The following OSBP variants were observed in gnomAD, a reference collection of about 807,000 sequenced individuals.
The protein encoded by OSBP is oxysterol binding protein, also known as oxysterol-binding protein 1.
OSBP carries 32 observed loss-of-function variants against 96.6 expected under a neutral mutation model. The ratio of observed to expected loss-of-function variants is 0.33; its 90% CI spans 0.25 to 0.45. OSBP has a LOEUF of 0.45. Ranked by LOEUF, OSBP falls within the 20% of genes least tolerant of loss-of-function variation. OSBP has a pLI of 1.00. For missense variants in OSBP, 653 were observed against 1,029.7 expected (o/e 0.63, Z 5.01); for synonymous variants, 369 against 389.6 (o/e 0.95, Z 0.62).
At chr11:59,608,999 G>C (rs747736406) in intron 2 of OSBP, among the ~76,000 whole-genome samples, 1 of 152,192 alleles carries the variant, frequency 6.6e-6, no homozygotes, top group Non-Finnish European at 1.5e-5. Flanking sequence ...CAAAGCCCAG[G>C]AATCTGCCTT....
At chr11:59,599,261 A>T (rs1004554129) in intron 7 of OSBP, among the ~76,000 whole-genome samples, 1 of 152,220 alleles carries the variant, frequency 6.6e-6, no homozygotes, top group Non-Finnish European at 1.5e-5. Flanking sequence ...TAAATGAAAG[A>T]GTATCATTGT....
At chr11:59,582,835 G>C (rs901011258) in intron 9 of OSBP, among the ~76,000 whole-genome samples, 1 of 152,020 alleles carries the variant, frequency 6.6e-6, no homozygotes, top group Non-Finnish European at 1.5e-5. Context: ...TATAAACTTG[G>C]GATAACACGT....
rs200837578 is a variant in OSBP, at chr11:59,615,424, C to A, written c.241G>T (p.Gly81Cys). The A allele has an allele frequency of 6.6e-7, 1 of 1,508,374 alleles. No homozygotes were observed. Among genetic ancestry groups the A allele is most frequent in the Non-Finnish European group, 8.9e-7 (1 of 1,123,150 alleles). The allele number at this position is 1,508,374 out of a possible 1,614,324, so 93.4% of individuals were successfully genotyped here. A position where few individuals can be genotyped will look rare whatever the true frequency, so the allele number is the denominator to read the frequency against. Residue 81 changes from glycine to cysteine, a missense_variant, in exon 1 of 14, where the codon GGC (glycine) becomes TGC (cysteine). Gly to Cys is a radical substitution (Grantham distance 159, BLOSUM62 -3). Coordinates refer to ENST00000263847, the MANE Select transcript of OSBP (RefSeq NM_002556.3). ...GAGCCCGAACCCCCAGCGCCCGAGC[C>A]GCCCGAGCCCCCAGTCGGCGGCGCA... Reference protein sequence around the residue: ...APAPPTGGSGGSGAGGSGSAR... With the variant: ...APAPPTGGSGCSGAGGSGSAR...
rs1255747197 is a variant in OSBP at position 59,615,565 on chromosome 11, C to T, written c.100G>A (p.Gly34Ser). 2.9e-6 allele frequency: 4 copies of T among 1,365,850 alleles called. No homozygotes were observed. The highest frequency in any genetic ancestry group is 3.8e-6 in the Non-Finnish European group (4 of 1,055,238). The allele number at this position is 1,365,850 out of a possible 1,614,324, so 84.6% of individuals were successfully genotyped here. The stretch of plus-strand genomic sequence containing the variant: ...CCTGGCCCCGCATCTCCGCGGCCGC[C>T]GCCTCCTCCCACCACTGGGGGACCG... ...GAGPPVVGGG[G>S]GRGDAGPGSG... is the part of the protein sequence containing the mutation. The change falls in exon 1 of 14, where the codon GGC becomes AGC. Residue 34 changes from glycine to serine, a missense_variant. Gly to Ser is a moderately conservative substitution (Grantham distance 56, BLOSUM62 0). Coordinates refer to ENST00000263847, the MANE Select transcript of OSBP (RefSeq NM_002556.3).
At chr11:59,577,873 T>C (rs560282830) in intron 12 of OSBP, among the ~76,000 whole-genome samples, 40 of 152,218 alleles carry the variant, frequency 2.6e-4, no homozygotes, top group Non-Finnish European at 5.3e-4. Context: ...TTGCTCTAAA[T>C]AGTAGAAAAA....
At chr11:59,580,333 G>A (rs1860406198) in intron 10 of OSBP, 64 bp from the exon 11 acceptor site, 2 of 1,001,178 alleles carry the variant, frequency 2.0e-6, no homozygotes, top group Admixed American at 3.6e-5. Context: ...CAAACCCATG[G>A]TTCATAATTC....
At chr11:59,588,793 G>A (rs569513365) in intron 9 of OSBP, among the ~76,000 whole-genome samples, 57 of 152,114 alleles carry the variant, frequency 3.7e-4, no homozygotes, top group South Asian at 1.7e-3. Context: ...ATCACTTGAA[G>A]TGAGTAGTTC....
intron 1 of OSBP, among the ~76,000 whole-genome samples, chr11:59,612,316 C>T (rs983462889): frequency 5.3e-5 from 8 of 152,162 alleles, no homozygotes; most frequent in South Asian, 4.1e-4. Flanking sequence ...CCTCCCCACC[C>T]CCAAGCTTCA....
At chr11:59,609,314 G>A (rs1189382742) in intron 2 of OSBP, among the ~76,000 whole-genome samples, 2 of 152,062 alleles carry the variant, frequency 1.3e-5, no homozygotes, top group Non-Finnish European at 2.9e-5. Context: ...GAAACTTTAT[G>A]ACTAAAGCCA....
In OSBP at chr11:59,610,463, A is replaced by G. The variant is rs779597023; in HGVS notation, c.489T>C (p.Ala163=). 5.0e-6 allele frequency: 8 copies of G among 1,614,180 alleles called. No individual in the cohort carries two copies. ...NGGAQTYHLK[A]SSEVERQRWV... Reference sequence around the variant, plus strand: ...AGCGCTGCCGCTCAACTTCTGAACTAGCTTTCAGATGGTAGGTCTGAGCAC... The same window carrying G: ...AGCGCTGCCGCTCAACTTCTGAACTGGCTTTCAGATGGTAGGTCTGAGCAC... The change falls in exon 2 of 14, where the codon GCT becomes GCC. Residue 163 remains alanine, a synonymous_variant. Coordinates refer to ENST00000263847, the MANE Select transcript of OSBP (RefSeq NM_002556.3).
chr11:59,575,798 T>C lies in OSBP; in HGVS notation c.*779A>G, dbSNP rs1037830212. On this transcript the variant is annotated 3_prime_UTR_variant, in exon 14 of 14. Transcript: ENST00000263847. Reference sequence around the variant, plus strand: ...TAGTAGTCTTTTTCCATCCTGCCTGTGTTCTCAGAAGCTCTCCGCCTGAGG... The same window carrying C: ...TAGTAGTCTTTTTCCATCCTGCCTGCGTTCTCAGAAGCTCTCCGCCTGAGG... 6.6e-6 allele frequency: 1 copy of C among 152,202 alleles called. No individual in the cohort carries two copies. The highest frequency in any genetic ancestry group is 1.5e-5 in the Non-Finnish European group (1 of 68,048). The allele number at this position is 152,202 out of a possible 1,614,324, so 9.4% of individuals were successfully genotyped here.
intron 7 of OSBP, 130 bp from the exon 8 acceptor site, chr11:59,594,385 TAACCC>T: frequency 1.2e-6 from 1 of 812,306 alleles, no homozygotes; most frequent in Non-Finnish European, 1.9e-6. Flanking sequence ...CTCTAATATT[TAACCC>T]GCAAACAACC....
At position 59,576,289 on chromosome 11, in the gene OSBP, C is replaced by A. The variant is rs920608390; in HGVS notation, c.*288G>T. ...ATGGGGGCAGAGGGAGAAAGAAGAG[C>A]CAAGAATACTTGACTTCGTGGATGT... On this transcript the variant is annotated 3_prime_UTR_variant, in exon 14 of 14. Transcript: ENST00000263847. 1.3e-5 allele frequency: 4 copies of A among 317,034 alleles called. No individual in the cohort carries two copies. Among genetic ancestry groups the A allele is most frequent in the Non-Finnish European group, 2.3e-5 (4 of 174,106 alleles). The allele number at this position is 317,034 out of a possible 1,614,324, so 19.6% of individuals were successfully genotyped here. A position where few individuals can be genotyped will look rare whatever the true frequency, so the allele number is the denominator to read the frequency against.
intron 3 of OSBP, among the ~76,000 whole-genome samples, chr11:59,603,534 T>TG (rs963904892): frequency 1.4e-5 from 2 of 145,744 alleles, no homozygotes; most frequent in East Asian, 2.0e-4. Context: ...CTTCAGTTTT[T>TG]TTTTTTTTTT....
At position 59,579,063 on chromosome 11, in the gene OSBP, C is replaced by T. The variant is rs1471898041; in HGVS notation, c.1879-733G>A. ...TGCTCTCTGTCCCCTCCCCTCACTA[C>T]CCTTCCCAGGGATTTTTGTATCAAA... On this transcript the variant is annotated intron_variant, in intron 11 of 13. Transcript: ENST00000263847. Among the ~76,000 whole-genome samples the T allele has an allele frequency of 6.6e-5, 10 of 152,266 alleles. No homozygotes were observed. The East Asian group carries it at 1.3e-3, about 21-fold the overall frequency.
intron 7 of OSBP, among the ~76,000 whole-genome samples, chr11:59,600,055 G>C (rs556638813): frequency 1.7e-4 from 26 of 151,700 alleles, no homozygotes; most frequent in African/African-American, 6.1e-4. Flanking sequence ...CCATGGGGAT[G>C]GTCATCTGTC....
intron 9 of OSBP, among the ~76,000 whole-genome samples, chr11:59,584,518 G>A (rs774514839): frequency 3.9e-5 from 6 of 152,164 alleles, no homozygotes; most frequent in Non-Finnish European, 5.9e-5. Context: ...TACACCACAT[G>A]AACAGAATGA....
chr11:59,607,801 G>A (rs1460514720), intron 3 of OSBP, among the ~76,000 whole-genome samples: 1 of 152,182 alleles, frequency 6.6e-6, no homozygotes, highest in Non-Finnish European at 1.5e-5. Flanking sequence ...CAGCTAAAAT[G>A]TTCTGCAAAC....
chr11:59,587,661 C>T (rs1360698637), intron 9 of OSBP, among the ~76,000 whole-genome samples: 1 of 152,142 alleles, frequency 6.6e-6, no homozygotes, highest in Non-Finnish European at 1.5e-5. Context: ...ATTAGGATAG[C>T]TATGATACAT....
Sources: allele counts gnomAD v4.1 joint callset (sites outside exome capture counted in the v4.1 genomes callset), GRCh38; gene constraint gnomAD v4.1.1; transcripts MANE v1.5; gene names NCBI Gene and HGNC (gene_info 2026-07-23, HGNC 2026-07-21).